The following SAMD4A variants were observed in gnomAD, a reference collection of about 807,000 sequenced individuals.
SAMD4A encodes sterile alpha motif domain containing 4A.
Under a neutral mutation model 81.3 loss-of-function variants are expected in SAMD4A, and 33 were observed. The ratio of observed to expected loss-of-function variants is 0.41; its 90% CI spans 0.31 to 0.54. The LOEUF is 0.54. Ranked by LOEUF, SAMD4A falls within the 20% of genes least tolerant of loss-of-function variation. The pLI is 0.37. For missense variants in SAMD4A, 854 were observed against 951.1 expected (o/e 0.90, Z 1.34); for synonymous variants, 389 against 382.1 (o/e 1.02, Z -0.21).
chr14:54,654,111 C>T (rs779898490), intron 2 of SAMD4A, among the ~76,000 whole-genome samples: 1 of 152,178 alleles, frequency 6.6e-6, no homozygotes, highest in Non-Finnish European at 1.5e-5. Context: ...TGCTCCAAGT[C>T]GTTTCAGTTG....
chr14:54,643,887 C>A (rs1030957811), intron 2 of SAMD4A, among the ~76,000 whole-genome samples: 2 of 151,986 alleles, frequency 1.3e-5, no homozygotes, highest in Non-Finnish European at 2.9e-5. Flanking sequence ...GCCTTTCCAC[C>A]AAAGAAAGAA....
intron 3 of SAMD4A, among the ~76,000 whole-genome samples, chr14:54,713,522 G>A (rs953741620): frequency 6.6e-6 from 1 of 152,138 alleles, no homozygotes; most frequent in African/African-American, 2.4e-5. Flanking sequence ...CATACTCCAG[G>A]GTAGTCATTC....
rs1414404169 is a variant in SAMD4A, at chr14:54,774,930, A to C, written c.1716-4A>C. 6.2e-7 allele frequency: 1 copy of C among 1,613,828 alleles called. No individual in the cohort carries two copies. The highest frequency in any genetic ancestry group is 1.7e-5 in the Admixed American group (1 of 59,992). ...TTCTCTTCCTTCTCTCTTGGCTCTC[A>C]CAGTCGAGGCTTTGGGCAATCCAAC... On this transcript the variant is annotated splice_polypyrimidine_tract_variant and splice_region_variant and intron_variant, in intron 9 of 12. Transcript: ENST00000554335.
chr14:54,770,180 G>A lies in SAMD4A; in HGVS notation c.1673G>A (p.Arg558Gln), dbSNP rs1354711553. The change falls in exon 9 of 13, where the codon CGG becomes CAG. Residue 558 changes from arginine to glutamine, a missense_variant. Transcript: ENST00000554335. The stretch of plus-strand genomic sequence containing the variant: ...CAGAAGCTCTTTCGGTCTTTCCCTC[G>A]GAAAACCCTTCTAGACATATCAGGA... ...QVQKLFRSFP[R>Q]KTLLDISGYR... 2 of 1,613,916 alleles carry A rather than the reference G, an allele frequency of 1.2e-6. No individual in the cohort carries two copies. The highest frequency in any genetic ancestry group is 1.3e-5 in the African/African-American group (1 of 75,050).
chr14:54,771,443 G>A (rs2038703118), intron 9 of SAMD4A, among the ~76,000 whole-genome samples: 1 of 152,182 alleles, frequency 6.6e-6, no homozygotes, highest in African/African-American at 2.4e-5. Flanking sequence ...ATGGAAGCCA[G>A]GCAACTCTCA....
At chr14:54,664,970 G>T (rs1003241641) in intron 2 of SAMD4A, among the ~76,000 whole-genome samples, 2 of 152,066 alleles carry the variant, frequency 1.3e-5, no homozygotes. Flanking sequence ...TATTTGAAGT[G>T]TCCTAAAATA....
intron 3 of SAMD4A, among the ~76,000 whole-genome samples, chr14:54,722,633 C>T (rs1033101030): frequency 6.6e-6 from 1 of 152,188 alleles, no homozygotes; most frequent in African/African-American, 2.4e-5. Flanking sequence ...GGGCAATTGC[C>T]AGATCTCTCT....
chr14:54,719,849 T>C (rs903540495), intron 3 of SAMD4A, among the ~76,000 whole-genome samples: 1 of 152,194 alleles, frequency 6.6e-6, no homozygotes, highest in Non-Finnish European at 1.5e-5. Flanking sequence ...CTTGAAGACA[T>C]CCTTCTATTC....
At chr14:54,657,744 A>G (rs1043156456) in intron 2 of SAMD4A, among the ~76,000 whole-genome samples, 1 of 152,052 alleles carries the variant, frequency 6.6e-6, no homozygotes, top group Non-Finnish European at 1.5e-5. Flanking sequence ...TCATATAGGG[A>G]CCGTCCACAT....
chr14:54,723,266 G>A (rs2037309083), intron 3 of SAMD4A, among the ~76,000 whole-genome samples: 1 of 152,068 alleles, frequency 6.6e-6, no homozygotes, highest in Non-Finnish European at 1.5e-5. Context: ...TGCACCATTT[G>A]GGGAAAGCCC....
chr14:54,752,896 A>C (rs2038144488), intron 6 of SAMD4A, among the ~76,000 whole-genome samples: 1 of 152,264 alleles, frequency 6.6e-6, no homozygotes, highest in Non-Finnish European at 1.5e-5. Context: ...GTTCAAGGGA[A>C]GGTACTATGA....
upstream of SAMD4A, among the ~76,000 whole-genome samples, chr14:54,566,543 G>C (rs897215816): frequency 6.6e-6 from 1 of 151,796 alleles, no homozygotes; most frequent in South Asian, 2.1e-4. Flanking sequence ...CTTTGCTGTC[G>C]TTGGGGGGCG....
chr14:54,696,320 A>G (rs565555342), intron 2 of SAMD4A, among the ~76,000 whole-genome samples: 1 of 152,358 alleles, frequency 6.6e-6, no homozygotes, highest in African/African-American at 2.4e-5. Flanking sequence ...AGTTGTGCAG[A>G]GTTGCACTAT....
At chr14:54,762,199 T>C (rs532411139) in intron 7 of SAMD4A, among the ~76,000 whole-genome samples, 24 of 152,308 alleles carry the variant, frequency 1.6e-4, no homozygotes, top group African/African-American at 5.5e-4. Context: ...TTCCATATCC[T>C]TGAAAATGTC....
intron 2 of SAMD4A, among the ~76,000 whole-genome samples, chr14:54,616,673 G>A (rs1268177892): frequency 6.6e-6 from 1 of 152,160 alleles, no homozygotes; most frequent in African/African-American, 2.4e-5. Context: ...CCCAATAGTT[G>A]TGAATTCCTT....
At chr14:54,778,179 A>C (rs2038908671) in intron 11 of SAMD4A, among the ~76,000 whole-genome samples, 2 of 151,804 alleles carry the variant, frequency 1.3e-5, no homozygotes, top group South Asian at 4.2e-4. Flanking sequence ...CCTTCCTGCC[A>C]CTCTTTTGCC....
At chr14:54,728,500 C>CA (rs1290087653) in intron 3 of SAMD4A, among the ~76,000 whole-genome samples, 6 of 151,336 alleles carry the variant, frequency 4.0e-5, no homozygotes, top group East Asian at 1.9e-4. Flanking sequence ...TAATTAACAA[C>CA]AAAAAAATCA....
chr14:54,712,145 G>A (rs1007500542), intron 3 of SAMD4A, among the ~76,000 whole-genome samples: 1 of 152,084 alleles, frequency 6.6e-6, no homozygotes, highest in Admixed American at 6.6e-5. Flanking sequence ...GAAGCCTGGG[G>A]ACCCTGATTC....
chr14:54,585,892 A>G (rs1252026473), intron 2 of SAMD4A, among the ~76,000 whole-genome samples: 1 of 152,194 alleles, frequency 6.6e-6, no homozygotes, highest in African/African-American at 2.4e-5. Context: ...TTGTGCTGCT[A>G]CAAACATGCG....
Sources: gnomAD v4.1 joint callset for allele counts (sites outside exome capture counted in the v4.1 genomes callset) on GRCh38, gnomAD v4.1.1 for gene constraint, MANE v1.5 for transcripts, NCBI Gene and HGNC (gene_info 2026-07-23, HGNC 2026-07-21) for gene names.